Variants in KAZN observed in about 807,000 individuals in gnomAD.
KAZN encodes kazrin.
A neutral mutation model predicts 87.4 loss-of-function variants in KAZN; 40 were observed. The ratio of observed to expected loss-of-function variants is 0.46; its 90% CI spans 0.36 to 0.60. The LOEUF is 0.60. KAZN is among the 20% of genes least tolerant of loss of function. The pLI is 0.00. For missense variants in KAZN, 898 were observed against 1,073.9 expected (o/e 0.84, Z 2.29); for synonymous variants, 466 against 458.3 (o/e 1.02, Z -0.22).
rs755379881 is a variant in KAZN, at chr1:14,984,486, C to T, written c.418+23611C>T. Among the ~76,000 whole-genome samples, 17 of 152,124 alleles carry T rather than the reference C, an allele frequency of 1.1e-4. 2 individuals carry two copies. Among genetic ancestry groups the T allele is most frequent in the East Asian group, 9.6e-4 (5 of 5,182 alleles). ...CCTTCTCATATGGAATGGGGGAAGG[C>T]GGTGGATTGGAGTTGGGGCCATCAT... On this transcript the variant is annotated intron_variant, in intron 2 of 14. Coordinates refer to ENST00000376030, the MANE Select transcript of KAZN (RefSeq NM_201628.3).
chr1:14,673,359 G>GT (rs1205385610), intron 1 of KAZN, among the ~76,000 whole-genome samples: 1 of 152,244 alleles, frequency 6.6e-6, no homozygotes, highest in East Asian at 1.9e-4. Flanking sequence ...CCAGGTGGTG[G>GT]TTTCAAAGTG....
At chr1:15,098,476 G>T (rs914899403) in intron 10 of KAZN, among the ~76,000 whole-genome samples, 3 of 152,224 alleles carry the variant, frequency 2.0e-5, no homozygotes, top group African/African-American at 7.2e-5. Flanking sequence ...TAGGTTAAGT[G>T]GGGTGCCCCC....
intron 2 of KAZN, among the ~76,000 whole-genome samples, chr1:14,585,935 G>A (rs1159503471): frequency 6.6e-6 from 1 of 152,124 alleles, no homozygotes; most frequent in East Asian, 1.9e-4. Context: ...AACTGCACAC[G>A]CCATCTCGAG....
chr1:14,754,966 G>T (rs992460144), intron 1 of KAZN, among the ~76,000 whole-genome samples: 9 of 151,924 alleles, frequency 5.9e-5, no homozygotes, highest in African/African-American at 2.2e-4. Flanking sequence ...GCATGACCGG[G>T]CCCAGTGGCT....
chr1:14,090,109 G>A (rs1643942203), intron 1 of KAZN, among the ~76,000 whole-genome samples: 1 of 151,064 alleles, frequency 6.6e-6, no homozygotes, highest in Non-Finnish European at 1.5e-5. Context: ...TTTTCTTCAT[G>A]TGTCTTTTGC....
chr1:14,433,600 G>A (rs1666206889), intron 2 of KAZN, among the ~76,000 whole-genome samples: 2 of 152,196 alleles, frequency 1.3e-5, no homozygotes, highest in Admixed American at 6.5e-5. Flanking sequence ...GCTCAAGCCT[G>A]TAATCCCAGC....
rs1311481724 is a variant in KAZN at position 14,111,478 on chromosome 1, G to A, written c.92-68957G>A. ...TGATAATTGTGCACTGAGTACTAAC[G>A]TCAGGCCCAGCAGAGTCCAAAAGGA... On this transcript the variant is annotated intron_variant, in intron 1 of 16. Transcript: ENST00000636203. Among the ~76,000 whole-genome samples the A allele has an allele frequency of 3.0e-5, 4 of 135,432 alleles. 1 individual carries two copies. Among genetic ancestry groups the A allele is most frequent in the East Asian group, 5.9e-4 (2 of 3,402 alleles). 88.8% of individuals were successfully genotyped at this position (135,432 alleles called of 152,430 possible).
chr1:14,003,517 TACTG>T (rs1322233959), intron 1 of KAZN, among the ~76,000 whole-genome samples: 2 of 151,946 alleles, frequency 1.3e-5, no homozygotes, highest in East Asian at 3.9e-4. Context: ...AAGAGTATAA[TACTG>T]ACACACGGAT....
chr1:14,324,172 C>A (rs1194801286), intron 2 of KAZN, among the ~76,000 whole-genome samples: 1 of 152,188 alleles, frequency 6.6e-6, no homozygotes, highest in African/African-American at 2.4e-5. Context: ...ATGTTTACTA[C>A]TCTGTAACGT....
At chr1:15,000,105 T>A (rs915281264) in intron 2 of KAZN, among the ~76,000 whole-genome samples, 1 of 152,080 alleles carries the variant, frequency 6.6e-6, no homozygotes, top group Non-Finnish European at 1.5e-5. Context: ...CGTGGGGTAC[T>A]TATAGAGGAA....
At chr1:14,998,130 C>A (rs1668085157) in intron 2 of KAZN, among the ~76,000 whole-genome samples, 1 of 152,098 alleles carries the variant, frequency 6.6e-6, no homozygotes, top group Admixed American at 6.5e-5. Flanking sequence ...CCCAGAAGCT[C>A]CTCAGCTGGC....
At chr1:14,458,229 T>TA (rs1293874460) in intron 2 of KAZN, among the ~76,000 whole-genome samples, 12 of 152,216 alleles carry the variant, frequency 7.9e-5, no homozygotes, top group African/African-American at 2.4e-4. Flanking sequence ...ATTGATGCTA[T>TA]AAAAAATTCT....
chr1:14,995,679 G>A (rs972157442), intron 2 of KAZN, among the ~76,000 whole-genome samples: 3 of 151,932 alleles, frequency 2.0e-5, no homozygotes, highest in African/African-American at 7.3e-5. Flanking sequence ...AGCATCTGCA[G>A]GGGCTCAGTG....
At chr1:13,894,996 C>T (rs897471736) in intron 1 of KAZN, among the ~76,000 whole-genome samples, 1 of 152,200 alleles carries the variant, frequency 6.6e-6, no homozygotes. Flanking sequence ...AGTTACTTAG[C>T]CTCTGTATGC....
intron 1 of KAZN, among the ~76,000 whole-genome samples, chr1:13,931,390 G>A (rs1012663679): frequency 2.6e-5 from 4 of 152,270 alleles, no homozygotes; most frequent in Middle Eastern, 3.4e-3. Context: ...AAACCTGGCC[G>A]GGTGTGACTG....
At chr1:14,054,560 A>G (rs80025768) in intron 1 of KAZN, among the ~76,000 whole-genome samples, 8,083 of 152,318 alleles carry the variant, frequency 0.053, 585 homozygotes, top group African/African-American at 0.16. Context: ...TTCTGGAACC[A>G]CAAGGATAAG....
chr1:14,679,842 C>G (rs1280604548), intron 1 of KAZN, among the ~76,000 whole-genome samples: 4 of 152,114 alleles, frequency 2.6e-5, no homozygotes, highest in Admixed American at 6.5e-5. Flanking sequence ...GCCTCAGAAT[C>G]TCATTCCTGT....
At chr1:14,499,552 T>C (rs1670129351) in intron 2 of KAZN, among the ~76,000 whole-genome samples, 1 of 152,222 alleles carries the variant, frequency 6.6e-6, no homozygotes, top group Admixed American at 6.5e-5. Context: ...TGTCTCATTA[T>C]CGATTGTTCT....
At chr1:14,350,666 T>G (rs1352059853) in intron 2 of KAZN, among the ~76,000 whole-genome samples, 1 of 152,164 alleles carries the variant, frequency 6.6e-6, no homozygotes, top group African/African-American at 2.4e-5. Context: ...GTGTCCACAG[T>G]GTGGAAGTGG....
Sources: allele counts gnomAD v4.1 joint callset (sites outside exome capture counted in the v4.1 genomes callset), GRCh38; gene constraint gnomAD v4.1.1; transcripts MANE v1.5; gene names NCBI Gene and HGNC (gene_info 2026-07-23, HGNC 2026-07-21).